The following INPP5E variants were observed in gnomAD, a reference collection of about 807,000 sequenced individuals.
INPP5E encodes the protein phosphatidylinositol polyphosphate 5-phosphatase type IV.
INPP5E carries 34 observed loss-of-function variants against 50.5 expected under a neutral mutation model. The ratio of observed to expected loss-of-function variants is 0.67; its 90% CI spans 0.51 to 0.90. INPP5E has a LOEUF of 0.90. Ranked by LOEUF, INPP5E falls within the 40% of genes least tolerant of loss-of-function variation. INPP5E has a pLI of 0.00. For missense variants in INPP5E, 942 were observed against 905.5 expected (o/e 1.04, Z -0.52); for synonymous variants, 447 against 406.0 (o/e 1.10, Z -1.21).
chr9:136,432,000 G>A lies in INPP5E; in HGVS notation c.1388-15C>T, dbSNP rs369688872. On this transcript the variant is annotated splice_polypyrimidine_tract_variant and intron_variant, in intron 6 of 9. Coordinates refer to ENST00000371712, the MANE Select transcript of INPP5E (RefSeq NM_019892.6). ...GGTGACGTCCGCTGCGGCACAGTGG[G>A]CCATGTGTGGGCACAGGCAGAGGGA... 13 of 1,612,504 alleles carry A rather than the reference G, an allele frequency of 8.1e-6. No individual in the cohort carries two copies. Among genetic ancestry groups the A allele is most frequent in the Non-Finnish European group, 1.1e-5 (13 of 1,179,872 alleles).
Sources: allele counts gnomAD v4.1 joint callset, GRCh38; gene constraint gnomAD v4.1.1; transcripts MANE v1.5; gene names NCBI Gene and HGNC (gene_info 2026-07-23, HGNC 2026-07-21).